DCBLD2: variants seen among roughly 807,000 people sequenced by gnomAD.
DCBLD2 encodes the protein discoidin, CUB and LCCL domain containing 2.
In DCBLD2, 54 loss-of-function variants were observed where a neutral mutation model predicts 86.8. The ratio of observed to expected loss-of-function variants is 0.62; its 90% CI spans 0.50 to 0.78. DCBLD2 has a LOEUF of 0.78. Among genes scored for constraint, DCBLD2 ranks in the 30% least tolerant of loss-of-function variants. DCBLD2 has a pLI of 0.00. For missense variants in DCBLD2, 908 were observed against 954.2 expected, an observed-to-expected ratio of 0.95 and a Z score of 0.64; for synonymous variants, 354 against 341.3, an observed-to-expected ratio of 1.04 and a Z score of -0.41.
intron 2 of DCBLD2, among the ~76,000 whole-genome samples, chr3:98,863,435 A>G (rs1943083557): frequency 6.6e-6 from 1 of 152,244 alleles, no homozygotes; most frequent in South Asian, 2.1e-4. Context: ...ACAAAGCGGG[A>G]GGCATCAAGC....
chr3:98,800,651 G>C lies in DCBLD2; in HGVS notation c.1786C>G (p.Arg596Gly), dbSNP rs370426957. 2.5e-6 allele frequency: 4 copies of C among 1,613,938 alleles called. No individual in the cohort carries two copies. The Admixed American group carries it at 5.0e-5, about 20-fold the overall frequency. Reference protein sequence around the residue: ...KAVDHEETPVRYSSSEVNHLS... With the variant: ...KAVDHEETPVGYSSSEVNHLS... Reference sequence around the variant, plus strand: ...TGATTAACTTCGCTGCTGCTATAGCGAACTGGGGTTTCCTCATGGTCCACT... The same window carrying C: ...TGATTAACTTCGCTGCTGCTATAGCCAACTGGGGTTTCCTCATGGTCCACT... Residue 596 changes from arginine to glycine, a missense_variant, in exon 15 of 16, where the codon CGC (arginine) becomes GGC (glycine). Arg to Gly is a moderately radical substitution (Grantham distance 125, BLOSUM62 -2). Around this residue, in one of 3 missense-constraint regions of DCBLD2, gnomAD observed 606 missense variants for 678.5 expected, o/e 0.89. Coordinates refer to ENST00000326840, the MANE Select transcript of DCBLD2 (RefSeq NM_080927.4).
chr3:98,881,712 T>G lies in DCBLD2; in HGVS notation c.261A>C (p.Ile87=). 6.2e-7 allele frequency: 1 copy of G among 1,613,974 alleles called. No homozygotes were observed. Among genetic ancestry groups the G allele is most frequent in the Non-Finnish European group, 8.5e-7 (1 of 1,179,896 alleles). ...LGPESGTLTS[I]NYPQTYPNST... ...TGTTGGGATAGGTCTGTGGGTAGTT[T>G]ATGGATGTAAGGGTTCCACTCTCAG... Residue 87 remains isoleucine, a synonymous_variant, in exon 2 of 16, where the codon ATA becomes ATC. Coordinates refer to ENST00000326840, the MANE Select transcript of DCBLD2 (RefSeq NM_080927.4).
At chr3:98,839,179 T>TCTTC (rs1220136123) in intron 3 of DCBLD2, among the ~76,000 whole-genome samples, 6,827 of 113,052 alleles carry the variant, frequency 0.06, 193 homozygotes, top group African/African-American at 0.079. Flanking sequence ...TTCCTTTCTT[T>TCTTC]CTTCCTTCCT....
intron 1 of DCBLD2, among the ~76,000 whole-genome samples, chr3:98,883,632 T>TAC (rs1321408594): frequency 6.6e-6 from 1 of 152,202 alleles, no homozygotes; most frequent in African/African-American, 2.4e-5. Context: ...GCTCCAACTG[T>TAC]ACTGTTCAGC....
At chr3:98,820,549 T>C (rs1942100947) in intron 6 of DCBLD2, among the ~76,000 whole-genome samples, 1 of 152,214 alleles carries the variant, frequency 6.6e-6, no homozygotes, top group South Asian at 2.1e-4. Context: ...AAAAGTTCTC[T>C]ATGTAATCTT....
chr3:98,839,347 A>G (rs555212163), intron 3 of DCBLD2, among the ~76,000 whole-genome samples: 3 of 151,938 alleles, frequency 2.0e-5, no homozygotes, highest in Admixed American at 6.6e-5. Flanking sequence ...TGGGTGTTCC[A>G]GTTGAAGTGC....
chr3:98,818,448 TAA>T (rs1258190130), intron 8 of DCBLD2, among the ~76,000 whole-genome samples: 3 of 152,000 alleles, frequency 2.0e-5, no homozygotes, highest in South Asian at 4.1e-4. Context: ...AACACTACCT[TAA>T]AAAAAGAGTC....
In DCBLD2 at chr3:98,866,128, G is replaced by T. The variant is rs1247679782; in HGVS notation, c.433+15412C>A. On this transcript the variant is annotated intron_variant, in intron 2 of 15. Transcript: ENST00000326840. ...CTATCATTGATGGACATCTGGGTTG[G>T]TTCCAAGTCTTTGCTATTGTGAATA... 3.9e-5 allele frequency among the ~76,000 whole-genome samples: 6 copies of T among 152,102 alleles called. No homozygotes were observed. The East Asian group carries it at 1.2e-3, about 29-fold the overall frequency.
chr3:98,884,589 C>T (rs182332890), intron 1 of DCBLD2, among the ~76,000 whole-genome samples: 4 of 151,984 alleles, frequency 2.6e-5, no homozygotes, highest in Non-Finnish European at 5.9e-5. Context: ...AAACTACCAC[C>T]CTAAGACAGA....
chr3:98,839,138 TC>T (rs1942561281), intron 3 of DCBLD2, among the ~76,000 whole-genome samples: 2 of 26,122 alleles, frequency 7.7e-5, no homozygotes, highest in African/African-American at 1.1e-4. Context: ...TTTCCTTCCT[TC>T]CTTCCTTCTT....
chr3:98,884,257 A>G (rs1162845814), intron 1 of DCBLD2, among the ~76,000 whole-genome samples: 4 of 152,062 alleles, frequency 2.6e-5, no homozygotes, highest in Non-Finnish European at 5.9e-5. Flanking sequence ...TATCTTCTAT[A>G]CTTGCTTTCA....
chr3:98,796,084 A>T lies in DCBLD2; in HGVS notation c.*3288T>A, dbSNP rs1941581868. 1 of 152,682 alleles carries T rather than the reference A, an allele frequency of 6.5e-6. No homozygotes were observed. The highest frequency in any genetic ancestry group is 1.5e-5 in the Non-Finnish European group (1 of 68,048). The allele number at this position is 152,682 out of a possible 1,614,324, so 9.5% of individuals were successfully genotyped here. On this transcript the variant is annotated 3_prime_UTR_variant, in exon 16 of 16. Transcript: ENST00000326840. ...ACACATTAAAATTTCACTATTTTAC[A>T]ATCTAAATTCTAGCAACATATACAA...
At chr3:98,846,981 A>C (rs1942737938) in intron 3 of DCBLD2, among the ~76,000 whole-genome samples, 1 of 152,236 alleles carries the variant, frequency 6.6e-6, no homozygotes, top group Non-Finnish European at 1.5e-5. Context: ...CCTGATATTA[A>C]GAAACTTAAT....
At chr3:98,824,532 G>A (rs1272873383) in intron 4 of DCBLD2, among the ~76,000 whole-genome samples, 2 of 152,096 alleles carry the variant, frequency 1.3e-5, no homozygotes, top group Non-Finnish European at 2.9e-5. Context: ...GTTCTTGGGG[G>A]GAAGTGGTAG....
intron 2 of DCBLD2, among the ~76,000 whole-genome samples, chr3:98,865,218 C>A (rs1943121235): frequency 6.6e-6 from 1 of 151,870 alleles, no homozygotes; most frequent in African/African-American, 2.4e-5. Context: ...ATCTAAATGT[C>A]CATCAGTAGA....
rs1458332573 is a variant in DCBLD2, at chr3:98,797,245, T to C, written c.*2127A>G. 1 of 150,992 alleles carries C rather than the reference T, an allele frequency of 6.6e-6. No individual in the cohort carries two copies. Among genetic ancestry groups the C allele is most frequent in the Non-Finnish European group, 1.5e-5 (1 of 67,702 alleles). 9.4% of individuals were successfully genotyped at this position (150,992 alleles called of 1,614,324 possible). The stretch of plus-strand genomic sequence containing the variant: ...GCAATATGAATCGAGTCTTAAAATA[T>C]GCATCATTTCAGAAAACACTTGCCC... On this transcript the variant is annotated 3_prime_UTR_variant, in exon 16 of 16. Transcript: ENST00000326840.
intron 3 of DCBLD2, 91 bp downstream of exon 3, chr3:98,849,370 A>G (rs774995519): frequency 3.6e-5 from 54 of 1,518,722 alleles, no homozygotes; most frequent in South Asian, 3.1e-4. Context: ...GCTCTATTCC[A>G]ATTTCAGAAA....
intron 2 of DCBLD2, among the ~76,000 whole-genome samples, chr3:98,861,667 T>C (rs2107498660): frequency 6.6e-6 from 1 of 152,264 alleles, no homozygotes; most frequent in East Asian, 1.9e-4. Flanking sequence ...AAATATGTTC[T>C]TTGAAACCAA....
Position 98,822,379 on chromosome 3 carries a change from A to G in DCBLD2, c.697-18T>C. ...GGCGAGGACTTAAGGAAGGGAAAAG[A>G]AAAGATTCATTTTTAATTTTCTCTT... is the stretch of plus-strand genomic sequence containing the variant. On this transcript the variant is annotated intron_variant, in intron 5 of 15. Coordinates refer to ENST00000326840, the MANE Select transcript of DCBLD2 (RefSeq NM_080927.4). The G allele has an allele frequency of 1.2e-6, 2 of 1,601,892 alleles. No individual in the cohort carries two copies. The highest frequency in any genetic ancestry group is 1.7e-6 in the Non-Finnish European group (2 of 1,175,808).
Sources: allele counts gnomAD v4.1 joint callset (sites outside exome capture counted in the v4.1 genomes callset), GRCh38; gene constraint gnomAD v4.1.1; regional missense constraint gnomAD v4.1.1; transcripts MANE v1.5; gene names NCBI Gene and HGNC (gene_info 2026-07-23, HGNC 2026-07-21).